Variants in NCOR2 observed in about 807,000 individuals in gnomAD.
The protein encoded by NCOR2 is CTG repeat protein 26.
Under a neutral mutation model 262.9 loss-of-function variants are expected in NCOR2, and 81 were observed. That is an observed-to-expected ratio of 0.31 (90% CI 0.26 to 0.37). The LOEUF (loss-of-function observed/expected upper bound fraction) is 0.37. Among genes scored for constraint, NCOR2 ranks in the 10% least tolerant of loss-of-function variants. The probability of loss-of-function intolerance (pLI) is 1.00; values close to 1 mark genes in which losing one functional copy is unlikely to be tolerated. For missense variants in NCOR2, 3,385 were observed against 3,621.4 expected, an observed-to-expected ratio of 0.93 and a Z score of 1.68; for synonymous variants, 1,659 against 1,559.3, an observed-to-expected ratio of 1.06 and a Z score of -1.51.
intron 1 of NCOR2, among the ~76,000 whole-genome samples, chr12:124,559,192 A>G (rs1382339505): frequency 6.6e-6 from 1 of 152,310 alleles, no homozygotes; most frequent in Admixed American, 6.5e-5. Context: ...TCCAGATGCA[A>G]AGAAAGGCCA....
intron 32 of NCOR2, 56 bp from the exon 35 acceptor site, chr12:124,343,282 T>C (rs1412476349): frequency 1.4e-5 from 21 of 1,497,952 alleles, no homozygotes; most frequent in Non-Finnish European, 1.8e-5. Flanking sequence ...TTACGGGGAG[T>C]TGTTTGAGGA....
At chr12:124,360,491 C>T (rs1334545625) in intron 22 of NCOR2, among the ~76,000 whole-genome samples, 1 of 152,228 alleles carries the variant, frequency 6.6e-6, no homozygotes, top group Admixed American at 6.5e-5. Context: ...CCAGACAGAG[C>T]TTTCCAAGAT....
At chr12:124,498,187 G>A (rs143907372), upstream of NCOR2, among the ~76,000 whole-genome samples, 482 of 152,286 alleles carry the variant, frequency 3.2e-3, 1 homozygote, top group Non-Finnish European at 5.4e-3. Flanking sequence ...CAAGGTGGCC[G>A]AGAGGTCTCA....
At chr12:124,333,945 GGTGTGCACGTGT>G (rs2035594949) in intron 41 of NCOR2, among the ~76,000 whole-genome samples, 1 of 142,366 alleles carries the variant, frequency 7.0e-6, no homozygotes, top group Non-Finnish European at 1.5e-5. Flanking sequence ...CATGTGTGTG[GGTGTGCACGTGT>G]GTGTGTGCGG....
chr12:124,543,670 C>T (rs1279663918), intron 1 of NCOR2, among the ~76,000 whole-genome samples: 2 of 152,214 alleles, frequency 1.3e-5, no homozygotes, highest in South Asian at 2.1e-4. Flanking sequence ...AGGAAGGAGC[C>T]GGGGTATCGA....
chr12:124,357,912 TGC>T (rs397787892), intron 22 of NCOR2, among the ~76,000 whole-genome samples: 78 of 138,284 alleles, frequency 5.6e-4, no homozygotes, highest in African/African-American at 1.5e-3. Context: ...TATGTGTGTG[TGC>T]GTGCGCACGT....
chr12:124,380,488 CCTGGG>C (rs1489538597), intron 17 of NCOR2, among the ~76,000 whole-genome samples: 1 of 152,262 alleles, frequency 6.6e-6, no homozygotes, highest in Non-Finnish European at 1.5e-5. Context: ...CCGCACACGT[CCTGGG>C]CCCAGTCCCA....
At chr12:124,356,532 T>C (rs1208885089) in intron 23 of NCOR2, 110 bp downstream of exon 25, 1 of 993,068 alleles carries the variant, frequency 1.0e-6, no homozygotes, top group Non-Finnish European at 1.3e-6. Flanking sequence ...TCCAGCCAGG[T>C]CCCATAAGGC....
At chr12:124,451,745 C>A (rs2045554612) in intron 6 of NCOR2, among the ~76,000 whole-genome samples, 1 of 152,156 alleles carries the variant, frequency 6.6e-6, no homozygotes, top group Non-Finnish European at 1.5e-5. Flanking sequence ...AGCCTCAGGG[C>A]AGGGCTGCAG....
intron 22 of NCOR2, among the ~76,000 whole-genome samples, chr12:124,359,891 T>C (rs529718405): frequency 3.5e-4 from 54 of 152,318 alleles, no homozygotes; most frequent in South Asian, 1.2e-3. Context: ...GTCAAGTTCA[T>C]GTGTGTCCCT....
chr12:124,340,255 G>C, intron 36 of NCOR2, 39 bp downstream of exon 38: 1 of 1,606,414 alleles, frequency 6.2e-7, no homozygotes, highest in Non-Finnish European at 8.5e-7. Context: ...CGGCCCACAA[G>C]GAGTCCCGGA....
intron 8 of NCOR2, among the ~76,000 whole-genome samples, chr12:124,433,409 A>G (rs897778026): frequency 6.6e-6 from 1 of 152,240 alleles, no homozygotes; most frequent in Non-Finnish European, 1.5e-5. Flanking sequence ...ACTGGTGCAG[A>G]CCAGCGGGCG....
chr12:124,420,135 C>A, intron 12 of NCOR2, 80 bp from the exon 15 acceptor site: 1 of 1,193,470 alleles, frequency 8.4e-7, no homozygotes, highest in Non-Finnish European at 1.2e-6. Flanking sequence ...ACATCCTGGG[C>A]TCATATCCTG....
In NCOR2 at chr12:124,378,287, T is replaced by G. The variant is rs377686301; in HGVS notation, c.2117A>C (p.Glu706Ala). 13 of 1,613,958 alleles carry G rather than the reference T, an allele frequency of 8.1e-6. No homozygotes were observed. The highest frequency in any genetic ancestry group is 1.1e-5 in the Non-Finnish European group (13 of 1,179,882). ...CTCATTTCCGCTCACGCCCGACGCC[T>G]CCATCTCCTCATCCTCCACCACGGG... Residue 706 changes from glutamate (E) to alanine (A), a missense_variant, in exon 18 of 47, where the codon GAG becomes GCG. Coordinates refer to ENST00000405201, the Ensembl canonical transcript of NCOR2. This position sits in a 1 kb window ranked among gnomAD's most constrained non-coding sequence, Gnocchi z 4.2.
chr12:124,370,031 A>T (rs972241600), intron 20 of NCOR2, among the ~76,000 whole-genome samples: 7 of 152,182 alleles, frequency 4.6e-5, no homozygotes, highest in African/African-American at 1.4e-4. Flanking sequence ...CCCCCGGCGA[A>T]GGCAGAAACA....
chr12:124,407,954 C>T (rs2042365187), intron 13 of NCOR2, among the ~76,000 whole-genome samples: 1 of 152,218 alleles, frequency 6.6e-6, no homozygotes. Context: ...CAGCTCTTCC[C>T]TAACACCTGC....
At chr12:124,368,303 C>T (rs530199295) in intron 20 of NCOR2, among the ~76,000 whole-genome samples, 138 of 152,316 alleles carry the variant, frequency 9.1e-4, no homozygotes, top group African/African-American at 3.3e-3. Context: ...GGAATAAGGG[C>T]CTGGGGACAT....
chr12:124,325,382 C>CA (rs1555297245), exon 47 of NCOR2: 14 of 412,906 alleles, frequency 3.4e-5, no homozygotes, highest in South Asian at 2.4e-4. Context: ...ACACCGCCCC[C>CA]CCCCCCGCCC....
intron 2 of NCOR2, among the ~76,000 whole-genome samples, chr12:124,485,881 A>G (rs1299194892): frequency 6.6e-6 from 1 of 152,116 alleles, no homozygotes; most frequent in African/African-American, 2.4e-5. Context: ...ACCGATCCCA[A>G]GTGAATGCAT....
Sources: allele counts gnomAD v4.1 joint callset (sites outside exome capture counted in the v4.1 genomes callset), GRCh38; gene constraint gnomAD v4.1.1; non-coding constraint Gnocchi (gnomAD v3.1); transcripts MANE v1.5; gene names NCBI Gene and HGNC (gene_info 2026-07-23, HGNC 2026-07-21).